The following GRIA4 variants were observed in gnomAD, a reference collection of about 807,000 sequenced individuals.
GRIA4 encodes the protein glutamate ionotropic receptor AMPA type subunit 4.
GRIA4 carries 34 observed loss-of-function variants against 104.0 expected under a neutral mutation model. That is an observed-to-expected ratio of 0.33 (90% CI 0.25 to 0.44). GRIA4 has a LOEUF of 0.44. Among genes scored for constraint, GRIA4 ranks in the 20% least tolerant of loss-of-function variants. GRIA4 has a pLI of 1.00. For synonymous variants in GRIA4, 386 were observed against 381.9 expected (o/e 1.01, Z -0.13); for missense variants, 750 against 1,096.5 (o/e 0.68, Z 4.46).
At chr11:105,611,227 C>T (rs1950471016) in intron 2 of GRIA4, 142 bp downstream of exon 2, 1 of 683,716 alleles carries the variant, frequency 1.5e-6, no homozygotes, top group South Asian at 1.7e-5. Flanking sequence ...CCTTTCTCTC[C>T]TTTGCAAAAA....
At chr11:105,654,166 G>A (rs1303260482) in intron 3 of GRIA4, among the ~76,000 whole-genome samples, 1 of 151,888 alleles carries the variant, frequency 6.6e-6, no homozygotes, top group African/African-American at 2.4e-5. Context: ...AGAGAGTAAG[G>A]TAATGGTTAG....
At chr11:105,616,861 T>C (rs1950614072) in intron 3 of GRIA4, among the ~76,000 whole-genome samples, 1 of 151,694 alleles carries the variant, frequency 6.6e-6, no homozygotes, top group South Asian at 2.1e-4. Context: ...GATAATTCTT[T>C]AGTTTTATAT....
At chr11:105,965,987 G>A in intron 14 of GRIA4, 1 of 1,613,346 alleles carries the variant, frequency 6.2e-7, no homozygotes. Context: ...GAATGAACAA[G>A]GCCTCTTGGA....
At chr11:105,615,872 A>G (rs1950586653) in intron 3 of GRIA4, among the ~76,000 whole-genome samples, 1 of 151,816 alleles carries the variant, frequency 6.6e-6, no homozygotes, top group South Asian at 2.1e-4. Context: ...AAAATACTAA[A>G]TTAGTCCATC....
rs763400741 is a variant in GRIA4, at chr11:105,953,488, T to C, written c.2295-18426T>C. 3.3e-5 allele frequency among the ~76,000 whole-genome samples: 5 copies of C among 152,194 alleles called. No homozygotes were observed. The South Asian group carries it at 1.0e-3, about 31-fold the overall frequency. ...GTTATATGGAATACGCATAGAACTT[T>C]TGTGAAAATACTGACAATGCAGCTA... On this transcript the variant is annotated intron_variant, in intron 14 of 16. Coordinates refer to ENST00000282499, the MANE Select transcript of GRIA4 (RefSeq NM_000829.4).
chr11:105,760,532 G>C (rs1940568835), intron 4 of GRIA4, among the ~76,000 whole-genome samples: 1 of 152,084 alleles, frequency 6.6e-6, no homozygotes, highest in South Asian at 2.1e-4. Flanking sequence ...TTTGTAGCAA[G>C]GTTATATTGG....
chr11:105,824,256 C>A (rs934897111), intron 4 of GRIA4, among the ~76,000 whole-genome samples: 3 of 152,096 alleles, frequency 2.0e-5, no homozygotes, highest in African/African-American at 7.2e-5. Context: ...GGTTCCACCC[C>A]CTGTTCATCC....
intron 3 of GRIA4, among the ~76,000 whole-genome samples, chr11:105,727,697 C>T (rs897941861): frequency 6.6e-6 from 1 of 152,164 alleles, no homozygotes; most frequent in African/African-American, 2.4e-5. Context: ...ACCCTGCAAG[C>T]CACAAGAGAG....
intron 10 of GRIA4, chr11:105,911,806 A>ATATATATATATATATATG (rs1318702218): frequency 7.1e-4 from 202 of 285,624 alleles, no homozygotes; most frequent in Admixed American, 1.7e-3. Flanking sequence ...ATATATATAT[A>ATATATATATATATATATG]TATGTTTCTT....
At chr11:105,825,948 A>G (rs868287994) in intron 4 of GRIA4, among the ~76,000 whole-genome samples, 1 of 151,988 alleles carries the variant, frequency 6.6e-6, no homozygotes, top group East Asian at 1.9e-4. Flanking sequence ...TTCCCTTTCC[A>G]TGGTGAATTC....
At chr11:105,749,454 A>G (rs1939868883) in intron 3 of GRIA4, among the ~76,000 whole-genome samples, 1 of 152,182 alleles carries the variant, frequency 6.6e-6, no homozygotes, top group South Asian at 2.1e-4. Context: ...ATACAGGAGA[A>G]AGAGAAGGGC....
chr11:105,749,084 A>G (rs945750414), intron 3 of GRIA4, among the ~76,000 whole-genome samples: 1 of 152,206 alleles, frequency 6.6e-6, no homozygotes, highest in African/African-American at 2.4e-5. Context: ...ACACTAAGAA[A>G]CGCCAAGAGA....
At chr11:105,822,440 T>C (rs1365653161) in intron 4 of GRIA4, among the ~76,000 whole-genome samples, 1 of 152,110 alleles carries the variant, frequency 6.6e-6, no homozygotes, top group Non-Finnish European at 1.5e-5. Context: ...ACCAAGTAGG[T>C]TGCAAAGTCT....
chr11:105,655,559 A>G (rs1037061346), intron 3 of GRIA4, among the ~76,000 whole-genome samples: 1 of 151,380 alleles, frequency 6.6e-6, no homozygotes, highest in Non-Finnish European at 1.5e-5. Flanking sequence ...TCATTGTTCA[A>G]CTCCCACTTA....
At chr11:105,927,811 A>G (rs547686166) in intron 13 of GRIA4, among the ~76,000 whole-genome samples, 1 of 152,142 alleles carries the variant, frequency 6.6e-6, no homozygotes, top group Non-Finnish European at 1.5e-5. Flanking sequence ...CAAAAATTAA[A>G]AAGTTCGCCA....
intron 16 of GRIA4, among the ~76,000 whole-genome samples, chr11:105,978,649 G>C (rs1303517528): frequency 5.3e-5 from 8 of 152,068 alleles, no homozygotes; most frequent in Non-Finnish European, 1.0e-4. Flanking sequence ...ATTCACAACA[G>C]GGAATTAGAT....
intron 3 of GRIA4, among the ~76,000 whole-genome samples, chr11:105,711,357 A>G (rs1953902551): frequency 6.6e-6 from 1 of 152,036 alleles, no homozygotes; most frequent in Admixed American, 6.6e-5. Flanking sequence ...GCACACCAAC[A>G]TGGCACATGT....
intron 3 of GRIA4, among the ~76,000 whole-genome samples, chr11:105,635,821 G>A (rs1002688464): frequency 3.3e-5 from 5 of 152,194 alleles, no homozygotes; most frequent in African/African-American, 1.2e-4. Flanking sequence ...AAGTATCACA[G>A]TAAATCCTAA....
chr11:105,899,565 C>A (rs1244099119), intron 7 of GRIA4, among the ~76,000 whole-genome samples: 1 of 152,168 alleles, frequency 6.6e-6, no homozygotes, highest in Non-Finnish European at 1.5e-5. Flanking sequence ...GGTAGGCATT[C>A]AGTAGCCATT....
Sources: allele counts gnomAD v4.1 joint callset (sites outside exome capture counted in the v4.1 genomes callset), GRCh38; gene constraint gnomAD v4.1.1; transcripts MANE v1.5; gene names NCBI Gene and HGNC (gene_info 2026-07-23, HGNC 2026-07-21).